The following FDPS variants were observed in gnomAD, a reference collection of about 807,000 sequenced individuals.
The protein encoded by FDPS is farnesyl pyrophosphate synthase.
A neutral mutation model predicts 49.5 loss-of-function variants in FDPS; 29 were observed. That is an observed-to-expected ratio of 0.59 (90% CI 0.44 to 0.80). FDPS has a LOEUF of 0.80. Ranked by LOEUF, FDPS falls within the 30% of genes least tolerant of loss-of-function variation. FDPS has a pLI of 0.00. For synonymous variants in FDPS, 172 were observed against 206.4 expected (o/e 0.83, Z 1.43); for missense variants, 414 against 525.6 (o/e 0.79, Z 2.08).
At position 155,309,685 on chromosome 1, in the gene FDPS, T is replaced by C. The variant is rs1017584028; in HGVS notation, c.-1-104T>C. On this transcript the variant is annotated intron_variant, in intron 1 of 10. Transcript: ENST00000368356. ...CACAAGAGGGAGGGGCACTCTGGGC[T>C]AAGGCTGGGGTGGGAGTTATCTGGG... The C allele has an allele frequency of 5.6e-6, 6 of 1,069,136 alleles. No individual in the cohort carries two copies. The Admixed American group carries it at 1.5e-4, about 26-fold the overall frequency. 66.2% of individuals were successfully genotyped at this position (1,069,136 alleles called of 1,614,324 possible). A position where few individuals can be genotyped will look rare whatever the true frequency, so the allele number is the denominator to read the frequency against.
At chr1:155,314,441 A>C (rs1430907075) in intron 4 of FDPS, among the ~76,000 whole-genome samples, 1 of 151,490 alleles carries the variant, frequency 6.6e-6, no homozygotes, top group Non-Finnish European at 1.5e-5. Flanking sequence ...GGCCTCCTAA[A>C]GTGTTGGGAT....
Position 155,318,727 on chromosome 1 carries a change from G to T in FDPS, c.747G>T (p.Val249=), listed in dbSNP as rs1243492524. The part of the protein sequence containing the change: ...LDLLTAPQGN[V]DLVRFTEKRY... ...TCCTCACAGCCCCCCAGGGCAATGT[G>T]GATCTTGTCAGATTCACTGAAAAGA... Residue 249 remains valine (V), a synonymous_variant, in exon 7 of 11, where the codon GTG becomes GTT. Coordinates refer to ENST00000368356, the MANE Select transcript of FDPS (RefSeq NM_002004.4). This position sits in a 1 kb window ranked among gnomAD's most constrained non-coding sequence, Gnocchi z 4.2. 1.2e-6 allele frequency: 2 copies of T among 1,613,664 alleles called. No individual in the cohort carries two copies. Among genetic ancestry groups the T allele is most frequent in the East Asian group, 4.5e-5 (2 of 44,870 alleles).
chr1:155,314,753 G>A (rs1649138810), intron 4 of FDPS, among the ~76,000 whole-genome samples: 1 of 151,848 alleles, frequency 6.6e-6, no homozygotes, highest in African/African-American at 2.4e-5. Context: ...TGGGATAACA[G>A]GTGTGAGCCA....
chr1:155,310,805 T>C (rs1033368794), intron 3 of FDPS, among the ~76,000 whole-genome samples: 1 of 152,134 alleles, frequency 6.6e-6, no homozygotes, highest in African/African-American at 2.4e-5. Context: ...AGCTGTTAGG[T>C]TGGCAGAGAC....
Position 155,320,521 on chromosome 1 carries a change from T to C in FDPS, c.1172T>C (p.Ile391Thr). Residue 391 changes from isoleucine (I) to threonine (T), a missense_variant, in exon 11 of 11, where the codon ATT becomes ACT. Ile to Thr is a moderately conservative substitution (Grantham distance 89). Transcript: ENST00000368356. Reference protein sequence around the residue: ...LQYEEDSYSHIMALIEQYAAP... With the variant: ...LQYEEDSYSHTMALIEQYAAP... ...TATGAGGAAGACAGTTACAGCCACA[T>C]TATGGCTCTCATTGAACAGTACGCA... 6.2e-7 allele frequency: 1 copy of C among 1,614,128 alleles called. No individual in the cohort carries two copies.
intron 1 of FDPS, chr1:155,309,514 C>A (rs1188631289): frequency 8.2e-6 from 3 of 367,628 alleles, no homozygotes; most frequent in Admixed American, 4.2e-5. Flanking sequence ...TCTGTACCGC[C>A]TCCTTACCCA....
chr1:155,314,249 G>A (rs1441118461), intron 4 of FDPS, among the ~76,000 whole-genome samples: 1 of 148,990 alleles, frequency 6.7e-6, no homozygotes, highest in Non-Finnish European at 1.5e-5. Context: ...GCAGTGGCAT[G>A]ATCTTGGCTC....
chr1:155,314,297 C>T (rs558516164), intron 4 of FDPS, among the ~76,000 whole-genome samples: 2 of 151,890 alleles, frequency 1.3e-5, no homozygotes, highest in Non-Finnish European at 2.9e-5. Context: ...GCCACCCTTC[C>T]ACCGCCTCAG....
rs551793227 is a variant in FDPS at position 155,316,169 on chromosome 1, C to G, written c.481-1772C>G. 2.7e-5 allele frequency among the ~76,000 whole-genome samples: 4 copies of G among 150,838 alleles called. No homozygotes were observed. In the South Asian group the frequency reaches 8.5e-4, roughly 32 times the overall value. ...ACTTGGGAGGCTGAGGCAGGAGAAT[C>G]GCGTGAACCCGGGAGGCGGAGGTTG... On this transcript the variant is annotated intron_variant, in intron 4 of 10. Coordinates refer to ENST00000368356, the MANE Select transcript of FDPS (RefSeq NM_002004.4).
At chr1:155,309,654 A>G in intron 1 of FDPS, 135 bp from the exon 2 acceptor site, 2 of 732,556 alleles carry the variant, frequency 2.7e-6, no homozygotes, top group East Asian at 2.8e-5. Flanking sequence ...GTCCCCAAGC[A>G]CATTCCACAA....
chr1:155,319,225 G>C (rs1178768151), intron 8 of FDPS, among the ~76,000 whole-genome samples: 1 of 152,140 alleles, frequency 6.6e-6, no homozygotes, highest in Non-Finnish European at 1.5e-5. Context: ...GGAGAAGAGT[G>C]GATTAAAGAC....
At position 155,313,514 on chromosome 1, in the gene FDPS, G is replaced by A. The variant is rs554308522; in HGVS notation, c.480+1119G>A. Among the ~76,000 whole-genome samples the A allele has an allele frequency of 1.1e-4, 16 of 152,338 alleles. No homozygotes were observed. The South Asian group carries it at 2.1e-3, about 20-fold the overall frequency. ...AAGACGTGCTGAGCACAGTCAGCCCGGGTACGTTCTTGGTATGGGTGGAGC... is the reference window on the plus strand; with the variant it reads ...AAGACGTGCTGAGCACAGTCAGCCCAGGTACGTTCTTGGTATGGGTGGAGC... On this transcript the variant is annotated intron_variant, in intron 4 of 10. Coordinates refer to ENST00000368356, the MANE Select transcript of FDPS (RefSeq NM_002004.4).
At chr1:155,311,848 C>G (rs1279462179) in intron 3 of FDPS, among the ~76,000 whole-genome samples, 1 of 151,994 alleles carries the variant, frequency 6.6e-6, no homozygotes, top group African/African-American at 2.4e-5. Flanking sequence ...TGGTGGGCAC[C>G]TGTAATCCCA....
At position 155,318,598 on chromosome 1, in the gene FDPS, C is replaced by CT. The variant is rs144374192; in HGVS notation, c.685-65dup. The CT allele has an allele frequency of 5.3e-3, 6,691 of 1,254,848 alleles. 252 individuals carry two copies. In the African/African-American group the frequency reaches 0.087, roughly 16 times the overall value. 77.7% of individuals were successfully genotyped at this position (1,254,848 alleles called of 1,614,324 possible). ...TTGTCAGCTGGTATGGGATGTTGGGCTTGGGATACCAGGGTTTCGCATATC... is the reference window on the plus strand; with the variant it reads ...TTGTCAGCTGGTATGGGATGTTGGGCTTTGGGATACCAGGGTTTCGCATATC... On this transcript the variant is annotated intron_variant, in intron 6 of 10. Transcript: ENST00000368356. This position sits in a 1 kb window ranked among gnomAD's most constrained non-coding sequence, Gnocchi z 4.2.
rs1351751844 is a variant in FDPS, at chr1:155,320,602, G to GA, written c.1256dup (p.Ter420ValfsTer3). 6.2e-7 allele frequency: 1 copy of GA among 1,614,180 alleles called. No homozygotes were observed. The highest frequency in any genetic ancestry group is 8.5e-7 in the Non-Finnish European group (1 of 1,180,022). ...CTTGCGCGCAAAATCTACAAGCGGA[G>GA]AAAGTGACCTAGAGATTGCAAGGGC... On this transcript the variant is annotated frameshift_variant, in exon 11 of 11. Coordinates refer to ENST00000368356, the MANE Select transcript of FDPS (RefSeq NM_002004.4). LOFTEE classifies it high-confidence loss of function.
Position 155,319,614 on chromosome 1 carries a change from G to A in FDPS, c.850G>A (p.Gly284Arg), listed in dbSNP as rs774341011. The change falls in exon 9 of 11, where the codon GGA becomes AGA. Residue 284 changes from glycine to arginine, a missense_variant. Physicochemically the swap from Gly to Arg is moderately radical, Grantham distance 125. Transcript: ENST00000368356. ...LPIAAAMYMA[G>R]IDGEKEHANA... is the part of the protein sequence containing the mutation. ...ATTAACCCCCCTTTCCCTGCAGGCA[G>A]GAATTGATGGCGAGAAGGAGCACGC... 1 of 1,614,140 alleles carries A rather than the reference G, an allele frequency of 6.2e-7. No individual in the cohort carries two copies. The highest frequency in any genetic ancestry group is 1.1e-5 in the South Asian group (1 of 91,080).
intron 3 of FDPS, among the ~76,000 whole-genome samples, chr1:155,310,757 A>C (rs1648718000): frequency 6.6e-6 from 1 of 152,128 alleles, no homozygotes; most frequent in Non-Finnish European, 1.5e-5. Flanking sequence ...GGAGGCCTTG[A>C]ACCTGGCAAG....
Position 155,310,035 on chromosome 1 carries a change from C to A in FDPS, c.177-8C>A. 1.2e-6 allele frequency: 2 copies of A among 1,613,004 alleles called. No homozygotes were observed. Among genetic ancestry groups the A allele is most frequent in the Non-Finnish European group, 1.7e-6 (2 of 1,179,956 alleles). On this transcript the variant is annotated splice_region_variant and splice_polypyrimidine_tract_variant and intron_variant, in intron 2 of 10. Coordinates refer to ENST00000368356, the MANE Select transcript of FDPS (RefSeq NM_002004.4). Reference sequence around the variant, plus strand: ...ATCAGGTTTCTGACTTGTTTTTCTTCTACTTAGAGCCCTTTGCTCCTCCCT... The same window carrying A: ...ATCAGGTTTCTGACTTGTTTTTCTTATACTTAGAGCCCTTTGCTCCTCCCT...
At position 155,312,285 on chromosome 1, in the gene FDPS, T is replaced by C; in HGVS notation, c.370T>C (p.Tyr124His). 6.2e-7 allele frequency: 1 copy of C among 1,614,048 alleles called. No individual in the cohort carries two copies. The highest frequency in any genetic ancestry group is 8.5e-7 in the Non-Finnish European group (1 of 1,180,004). ...GGAGTACAATGCCATTGGAGGCAAG[T>C]ATAACCGGGGTTTGACGGTGGTAGT... ...VLEYNAIGGK[Y>H]NRGLTVVVAF... The change falls in exon 4 of 11, where the codon TAT becomes CAT. Residue 124 changes from tyrosine to histidine, a missense_variant. Tyr to His is a moderately conservative substitution (Grantham distance 83). Coordinates refer to ENST00000368356, the MANE Select transcript of FDPS (RefSeq NM_002004.4).
Sources: allele counts gnomAD v4.1 joint callset (sites outside exome capture counted in the v4.1 genomes callset), GRCh38; gene constraint gnomAD v4.1.1; non-coding constraint Gnocchi (gnomAD v3.1); transcripts MANE v1.5; gene names NCBI Gene and HGNC (gene_info 2026-07-23, HGNC 2026-07-21).